The following CHN2 variants were observed in gnomAD, a reference collection of about 807,000 sequenced individuals.
CHN2 encodes the protein chimerin 2, also known as beta-chimaerin.
In CHN2, 35 loss-of-function variants were observed where a neutral mutation model predicts 56.3. The ratio of observed to expected loss-of-function variants is 0.62; its 90% CI spans 0.47 to 0.82. CHN2 has a LOEUF of 0.82. Ranked by LOEUF, CHN2 falls within the 40% of genes least tolerant of loss-of-function variation. CHN2 has a pLI of 0.00. For synonymous variants in CHN2, 210 were observed against 212.8 expected (o/e 0.99, Z 0.12); for missense variants, 491 against 580.5 (o/e 0.85, Z 1.58).
chr7:29,418,434 G>A (rs1007951315), intron 6 of CHN2, among the ~76,000 whole-genome samples: 23 of 152,342 alleles, frequency 1.5e-4, no homozygotes, highest in Admixed American at 1.1e-3. Context: ...ACTGGGGAGT[G>A]GTAGGTGCCT....
intron 1 of CHN2, among the ~76,000 whole-genome samples, chr7:29,231,013 T>C (rs1305458578): frequency 6.6e-6 from 1 of 152,222 alleles, no homozygotes; most frequent in Non-Finnish European, 1.5e-5. Flanking sequence ...TCTTGTCTGG[T>C]CTGTGATCAC....
At chr7:29,261,977 G>A (rs531878565) in intron 1 of CHN2, among the ~76,000 whole-genome samples, 19 of 152,176 alleles carry the variant, frequency 1.2e-4, no homozygotes, top group Non-Finnish European at 2.4e-4. Flanking sequence ...AGACCAGCCT[G>A]GCCAACATGG....
At chr7:29,455,975 C>T (rs1784723587) in intron 6 of CHN2, among the ~76,000 whole-genome samples, 1 of 152,160 alleles carries the variant, frequency 6.6e-6, no homozygotes, top group African/African-American at 2.4e-5. Flanking sequence ...CAAGAAGAGT[C>T]CTTGGGGGAA....
chr7:29,337,422 A>C (rs1796711589), intron 1 of CHN2, among the ~76,000 whole-genome samples: 1 of 152,240 alleles, frequency 6.6e-6, no homozygotes, highest in Non-Finnish European at 1.5e-5. Context: ...TGCTGCCAGC[A>C]CGCAGTACAG....
intron 1 of CHN2, among the ~76,000 whole-genome samples, chr7:29,328,758 G>A (rs762568254): frequency 6.6e-6 from 1 of 151,800 alleles, no homozygotes; most frequent in African/African-American, 2.4e-5. Context: ...AGGTAAACAC[G>A]GTTGTTTCTC....
At chr7:29,429,863 C>A (rs1782702838) in intron 6 of CHN2, among the ~76,000 whole-genome samples, 1 of 152,082 alleles carries the variant, frequency 6.6e-6, no homozygotes, top group South Asian at 2.1e-4. Context: ...TATATAGGAA[C>A]CTTGCGTAAT....
upstream of CHN2, chr7:29,193,170 T>C (rs1783119200): frequency 6.6e-6 from 1 of 152,076 alleles, no homozygotes; most frequent in Admixed American, 6.5e-5. Context: ...GACTGAAGAG[T>C]GCTCACACTC....
chr7:29,356,819 G>C (rs1035394962), intron 2 of CHN2, among the ~76,000 whole-genome samples: 7 of 152,196 alleles, frequency 4.6e-5, no homozygotes, highest in African/African-American at 1.7e-4. Flanking sequence ...TTGTTTGTTT[G>C]TTTCCTAATG....
intron 6 of CHN2, among the ~76,000 whole-genome samples, chr7:29,418,799 G>A (rs901968428): frequency 2.0e-4 from 30 of 152,120 alleles, no homozygotes; most frequent in South Asian, 1.2e-3. Context: ...TTTCCTTGGC[G>A]TGCCTAATTT....
intron 1 of CHN2, among the ~76,000 whole-genome samples, chr7:29,268,563 C>G (rs1479850828): frequency 6.8e-6 from 1 of 146,094 alleles, no homozygotes; most frequent in Non-Finnish European, 1.5e-5. Flanking sequence ...TGCTTCTGCA[C>G]CAATTCCCAG....
chr7:29,317,548 T>C (rs1211574491), intron 1 of CHN2, among the ~76,000 whole-genome samples: 7 of 152,230 alleles, frequency 4.6e-5, no homozygotes, highest in Admixed American at 3.3e-4. Flanking sequence ...CCAGGTGATA[T>C]ACATGCATAT....
At chr7:29,427,743 G>A (rs6942700) in intron 6 of CHN2, among the ~76,000 whole-genome samples, 2,578 of 140,650 alleles carry the variant, frequency 0.018, 36 homozygotes, top group Middle Eastern at 0.048. Flanking sequence ...TGAAACCACC[G>A]CCTCCTGGGT....
chr7:29,209,519 T>C (rs1784764329), intron 1 of CHN2, among the ~76,000 whole-genome samples: 2 of 152,326 alleles, frequency 1.3e-5, no homozygotes, highest in African/African-American at 4.8e-5. Flanking sequence ...TTTATGGTTA[T>C]GAAAAAAATA....
chr7:29,218,843 A>T (rs527735508), intron 1 of CHN2, among the ~76,000 whole-genome samples: 1 of 150,766 alleles, frequency 6.6e-6, no homozygotes, highest in Admixed American at 6.6e-5. Context: ...TAGGAGATAT[A>T]CCTAATGCTA....
At chr7:29,433,920 A>T (rs1279350157) in intron 6 of CHN2, among the ~76,000 whole-genome samples, 1 of 151,356 alleles carries the variant, frequency 6.6e-6, no homozygotes, top group Non-Finnish European at 1.5e-5. Flanking sequence ...GGAAGGAGGG[A>T]GGGAGAGAGG....
chr7:29,417,774 T>C (rs771071007), intron 6 of CHN2, among the ~76,000 whole-genome samples: 1 of 152,188 alleles, frequency 6.6e-6, no homozygotes, highest in Non-Finnish European at 1.5e-5. Flanking sequence ...TTGCAGTTTA[T>C]ATGCTCTGGA....
rs182204138 is a variant in CHN2 at position 29,263,282 on chromosome 7, G to A, written c.49+68292G>A. Among the ~76,000 whole-genome samples the A allele has an allele frequency of 1.3e-3, 202 of 152,310 alleles. 1 individual carries two copies. In the East Asian group the frequency reaches 0.034, roughly 26 times the overall value. On this transcript the variant is annotated intron_variant, in intron 1 of 12. Coordinates refer to ENST00000222792, the MANE Select transcript of CHN2 (RefSeq NM_004067.4). ...TGACTGCGAGTGGTCTGCCCGCCTC[G>A]GCCTCCCGAGGTGCCGGGATTGCAG...
chr7:29,158,254 A>G lies in CHN2; in HGVS notation c.274+11294A>G, dbSNP rs551152676. 3.3e-5 allele frequency among the ~76,000 whole-genome samples: 5 copies of G among 152,316 alleles called. No individual in the cohort carries two copies. The East Asian group carries it at 9.6e-4, about 29-fold the overall frequency. On this transcript the variant is annotated intron_variant, in intron 2 of 6. Coordinates refer to the CHN2 transcript ENST00000439384. ...TTCCTTCAGTGTTCTTTGCCATTTG[A>G]AGGAAAAGCAGTTTATAGCACACAC... is the stretch of plus-strand genomic sequence containing the variant.
At chr7:29,502,436 C>G (rs1254582507) in intron 9 of CHN2, among the ~76,000 whole-genome samples, 1 of 152,164 alleles carries the variant, frequency 6.6e-6, no homozygotes, top group Non-Finnish European at 1.5e-5. Context: ...GTAAATGTCA[C>G]TTCTGCTCTC....
Sources: allele counts gnomAD v4.1 joint callset (sites outside exome capture counted in the v4.1 genomes callset), GRCh38; gene constraint gnomAD v4.1.1; transcripts MANE v1.5; gene names NCBI Gene and HGNC (gene_info 2026-07-23, HGNC 2026-07-21).